Variants in SPTLC2 observed in about 807,000 individuals in gnomAD.
SPTLC2 encodes serine palmitoyltransferase 2.
A neutral mutation model predicts 62.0 loss-of-function variants in SPTLC2; 21 were observed. The ratio of observed to expected loss-of-function variants is 0.34; its 90% CI spans 0.24 to 0.49. The LOEUF is 0.49. Among genes scored for constraint, SPTLC2 ranks in the 20% least tolerant of loss-of-function variants. SPTLC2 has a pLI of 0.99. For missense variants in SPTLC2, 511 were observed against 713.0 expected (o/e 0.72, Z 3.23); for synonymous variants, 261 against 261.8 (o/e 1.00, Z 0.03).
At chr14:77,558,916 A>T (rs572411357) in intron 6 of SPTLC2, among the ~76,000 whole-genome samples, 6 of 152,296 alleles carry the variant, frequency 3.9e-5, no homozygotes, top group African/African-American at 1.4e-4. Flanking sequence ...TTAGGCAGAG[A>T]GCAATGTATG....
chr14:77,542,061 C>CA (rs1566774429), intron 9 of SPTLC2, among the ~76,000 whole-genome samples: 2 of 103,284 alleles, frequency 1.9e-5, no homozygotes, highest in African/African-American at 8.7e-5. Context: ...ACTCTGTGTC[C>CA]GGAAAAAAAA....
intron 9 of SPTLC2, among the ~76,000 whole-genome samples, chr14:77,527,887 T>C (rs1442360012): frequency 1.3e-5 from 2 of 152,244 alleles, no homozygotes; most frequent in Non-Finnish European, 2.9e-5. Flanking sequence ...AGTAGTAATA[T>C]GATTTCCAGT....
intron 9 of SPTLC2, among the ~76,000 whole-genome samples, chr14:77,528,527 A>G (rs1249318234): frequency 6.6e-6 from 1 of 152,078 alleles, no homozygotes; most frequent in African/African-American, 2.4e-5. Context: ...CACTGCGCCC[A>G]GCCCCCCCTT....
intron 2 of SPTLC2, among the ~76,000 whole-genome samples, chr14:77,595,737 C>A (rs1033140137): frequency 1.3e-5 from 2 of 152,178 alleles, no homozygotes. Context: ...GTTTCTTCTA[C>A]AATCAATGTT....
chr14:77,535,114 A>C (rs994196491), intron 9 of SPTLC2, among the ~76,000 whole-genome samples: 1 of 152,086 alleles, frequency 6.6e-6, no homozygotes, highest in Admixed American at 6.6e-5. Context: ...TTCAGTAGAG[A>C]CAGGGTTTCT....
chr14:77,566,330 G>A (rs1293031350), intron 5 of SPTLC2, among the ~76,000 whole-genome samples: 1 of 152,114 alleles, frequency 6.6e-6, no homozygotes, highest in African/African-American at 2.4e-5. Context: ...AATGTTTCAG[G>A]TATCATGTTA....
At chr14:77,611,628 C>G (rs191263177) in intron 1 of SPTLC2, among the ~76,000 whole-genome samples, 2 of 152,124 alleles carry the variant, frequency 1.3e-5, no homozygotes, top group Non-Finnish European at 2.9e-5. Context: ...GAGTTCGAGA[C>G]CAGCCTGGCC....
chr14:77,602,894 A>G (rs780852553), intron 1 of SPTLC2, among the ~76,000 whole-genome samples: 2 of 152,104 alleles, frequency 1.3e-5, no homozygotes, highest in Non-Finnish European at 2.9e-5. Context: ...GTTTATTCAG[A>G]TTTTGTCAAA....
Position 77,512,419 on chromosome 14 carries a change from C to T in SPTLC2, c.1570-16G>A, listed in dbSNP as rs764382919. On this transcript the variant is annotated splice_polypyrimidine_tract_variant and intron_variant, in intron 11 of 11. Coordinates refer to ENST00000216484, the MANE Select transcript of SPTLC2 (RefSeq NM_004863.4). ...CCTTTAAAGCCTAAAATACACAAGA[C>T]AAAGTAGAGGTCTGTCAGAGCCAGT... The T allele has an allele frequency of 6.2e-7, 1 of 1,614,050 alleles. No individual in the cohort carries two copies. The highest frequency in any genetic ancestry group is 8.5e-7 in the Non-Finnish European group (1 of 1,180,014).
intron 9 of SPTLC2, among the ~76,000 whole-genome samples, chr14:77,525,121 T>C (rs1331572218): frequency 2.0e-5 from 3 of 150,334 alleles, no homozygotes; most frequent in Non-Finnish European, 4.4e-5. Flanking sequence ...CCATAAATAT[T>C]ATGTATCAAT....
chr14:77,578,696 G>C, intron 3 of SPTLC2: 1 of 370,886 alleles, frequency 2.7e-6, no homozygotes, highest in Non-Finnish European at 5.1e-6. Flanking sequence ...CTCCAGCCTG[G>C]GTGACAGAGC....
intron 5 of SPTLC2, among the ~76,000 whole-genome samples, chr14:77,563,685 C>T (rs370160705): frequency 7.2e-5 from 11 of 152,154 alleles, no homozygotes; most frequent in South Asian, 4.2e-4. Flanking sequence ...CTCAGCGTCC[C>T]GAAGTGCCAA....
At chr14:77,548,687 T>C (rs559250106) in intron 9 of SPTLC2, among the ~76,000 whole-genome samples, 58 of 152,298 alleles carry the variant, frequency 3.8e-4, no homozygotes, top group East Asian at 2.9e-3. Flanking sequence ...TGAAGTTGCC[T>C]TTCAAGATCT....
At chr14:77,600,259 G>T (rs1259477694) in intron 1 of SPTLC2, among the ~76,000 whole-genome samples, 1 of 152,178 alleles carries the variant, frequency 6.6e-6, no homozygotes, top group Non-Finnish European at 1.5e-5. Flanking sequence ...AAGAATTTAG[G>T]TTCAACTAGG....
chr14:77,614,976 AAAAAC>A (rs2079958399), intron 1 of SPTLC2, among the ~76,000 whole-genome samples: 4 of 151,302 alleles, frequency 2.6e-5, no homozygotes, highest in East Asian at 1.9e-4. Flanking sequence ...TCTGAAAAAA[AAAAAC>A]AAAAACAAAA....
chr14:77,576,970 G>A, intron 3 of SPTLC2, 55 bp from the exon 4 acceptor site: 1 of 1,599,748 alleles, frequency 6.3e-7, no homozygotes, highest in African/African-American at 1.3e-5. Flanking sequence ...GTACTTACAT[G>A]TAATATTAAA....
chr14:77,588,555 T>TTG (rs2079795861), intron 2 of SPTLC2, among the ~76,000 whole-genome samples: 4 of 150,238 alleles, frequency 2.7e-5, no homozygotes, highest in Admixed American at 1.3e-4. Context: ...AATTAGCCAG[T>TTG]TGTGGTAGCG....
intron 8 of SPTLC2, among the ~76,000 whole-genome samples, 181 bp from the exon 9 acceptor site, chr14:77,552,403 A>C (rs1566777634): frequency 6.6e-6 from 1 of 152,258 alleles, no homozygotes; most frequent in Non-Finnish European, 1.5e-5. Flanking sequence ...ACTGGGTCAG[A>C]AACATGGCAA....
chr14:77,538,286 T>C (rs985309991), intron 9 of SPTLC2, among the ~76,000 whole-genome samples: 2 of 152,178 alleles, frequency 1.3e-5, no homozygotes, highest in African/African-American at 4.8e-5. Flanking sequence ...GTGTTCAAGA[T>C]GGCAAGCAGA....
Sources: gnomAD v4.1 joint callset for allele counts (sites outside exome capture counted in the v4.1 genomes callset) on GRCh38, gnomAD v4.1.1 for gene constraint, MANE v1.5 for transcripts, NCBI Gene and HGNC (gene_info 2026-07-23, HGNC 2026-07-21) for gene names.